Variants in LEP observed in about 807,000 individuals in gnomAD.
LEP encodes the protein leptin.
Under a neutral mutation model 9.8 loss-of-function variants are expected in LEP, and 6 were observed. The observed-to-expected ratio is 0.61, with a 90% CI of 0.34 to 1.21. LEP has a LOEUF of 1.21. Among genes scored for constraint, LEP ranks in the 50% most tolerant of loss-of-function variants. LEP has a pLI of 0.04. For missense variants in LEP, 134 were observed against 198.1 expected (o/e 0.68, Z 1.94); for synonymous variants, 112 against 81.7 (o/e 1.37, Z -2.00).
chr7:128,253,388 G>A (rs1381147962), intron 2 of LEP, among the ~76,000 whole-genome samples: 1 of 152,144 alleles, frequency 6.6e-6, no homozygotes, highest in Non-Finnish European at 1.5e-5. Context: ...TCCTGATGAG[G>A]TCTGTATTTG....
chr7:128,254,471 C>T lies in LEP; in HGVS notation c.212C>T (p.Thr71Ile). The T allele has an allele frequency of 6.2e-7, 1 of 1,614,042 alleles. No homozygotes were observed. The highest frequency in any genetic ancestry group is 1.3e-5 in the African/African-American group (1 of 75,070). The change falls in exon 3 of 3, where the codon ACC (threonine) becomes ATC (isoleucine). Residue 71 changes from threonine to isoleucine, a missense_variant. Physicochemically the swap from Thr to Ile is moderately conservative, Grantham distance 89. Coordinates refer to ENST00000308868, the MANE Select transcript of LEP (RefSeq NM_000230.3). ...DFIPGLHPIL[T>I]LSKMDQTLAV... ...ATTCCTGGGCTCCACCCCATCCTGA[C>T]CTTATCCAAGATGGACCAGACACTG...
chr7:128,246,942 G>C (rs981078475), intron 1 of LEP, among the ~76,000 whole-genome samples: 3 of 152,150 alleles, frequency 2.0e-5, no homozygotes, highest in Admixed American at 6.5e-5. Context: ...CCATGAGGGA[G>C]ACAGCAGAGT....
rs1795282687 is a variant in LEP, at chr7:128,252,159, C to T, written c.141C>T (p.His47=). Residue 47 remains histidine, a synonymous_variant, in exon 2 of 3, where the codon CAC becomes CAT. Transcript: ENST00000308868. ...TIVTRINDIS[H]TQSVSSKQKV... is the part of the protein sequence containing the mutation. Reference sequence around the variant, plus strand: ...TCACCAGGATCAATGACATTTCACACACGGTAAGGAGAGTATGCGGGGACA... The same window carrying T: ...TCACCAGGATCAATGACATTTCACATACGGTAAGGAGAGTATGCGGGGACA... 1 of 1,614,058 alleles carries T rather than the reference C, an allele frequency of 6.2e-7. No homozygotes were observed. Among genetic ancestry groups the T allele is most frequent in the Admixed American group, 1.7e-5 (1 of 60,010 alleles).
chr7:128,244,674 G>A (rs1795191133), intron 1 of LEP, among the ~76,000 whole-genome samples: 1 of 152,190 alleles, frequency 6.6e-6, no homozygotes, highest in Non-Finnish European at 1.5e-5. Flanking sequence ...CTAAGGACAG[G>A]GAGGGCCACC....
rs1441976707 is a variant in LEP at position 128,256,569 on chromosome 7, G to A, written c.*1806G>A. On this transcript the variant is annotated 3_prime_UTR_variant, in exon 3 of 3. Coordinates refer to ENST00000308868, the MANE Select transcript of LEP (RefSeq NM_000230.3). ...GAACAGCCAAATGCATGGTGCAGTT[G>A]ACAGCAGGTGGGAAATGGTATGAGC... 6.6e-6 allele frequency: 1 copy of A among 152,368 alleles called. No homozygotes were observed. Among genetic ancestry groups the A allele is most frequent in the Non-Finnish European group, 1.5e-5 (1 of 68,076 alleles). 9.4% of individuals were successfully genotyped at this position (152,368 alleles called of 1,614,324 possible). A position where few individuals can be genotyped will look rare whatever the true frequency, so the allele number is the denominator to read the frequency against.
chr7:128,251,204 C>T (rs779141834), intron 1 of LEP, among the ~76,000 whole-genome samples: 1 of 152,204 alleles, frequency 6.6e-6, no homozygotes, highest in Non-Finnish European at 1.5e-5. Flanking sequence ...CTCTTTCCTC[C>T]TGGCTTAGAA....
chr7:128,248,173 G>A (rs1438257697), intron 1 of LEP, among the ~76,000 whole-genome samples: 1 of 152,164 alleles, frequency 6.6e-6, no homozygotes, highest in Non-Finnish European at 1.5e-5. Flanking sequence ...ACTCACACCT[G>A]TAATCCCAGC....
chr7:128,246,590 A>G (rs1261958746), intron 1 of LEP, among the ~76,000 whole-genome samples: 1 of 151,638 alleles, frequency 6.6e-6, no homozygotes, highest in Non-Finnish European at 1.5e-5. Flanking sequence ...AGTAGCTGGG[A>G]CCACAAGCGT....
At chr7:128,251,696 G>T (rs1310325183) in intron 1 of LEP, among the ~76,000 whole-genome samples, 1 of 152,194 alleles carries the variant, frequency 6.6e-6, no homozygotes, top group African/African-American at 2.4e-5. Flanking sequence ...AGCATGCAAT[G>T]AAGTCTACAT....
intron 1 of LEP, among the ~76,000 whole-genome samples, chr7:128,247,065 G>A (rs562823740): frequency 6.6e-6 from 1 of 152,212 alleles, no homozygotes; most frequent in Non-Finnish European, 1.5e-5. Context: ...GAATGATGCT[G>A]TATCAACATT....
chr7:128,244,086 T>A (rs1478984319), intron 1 of LEP, among the ~76,000 whole-genome samples: 1 of 148,390 alleles, frequency 6.7e-6, no homozygotes, highest in African/African-American at 2.5e-5. Flanking sequence ...CCATCTCTAT[T>A]AAAAAAAAAA....
chr7:128,246,876 G>A (rs992954952), intron 1 of LEP, among the ~76,000 whole-genome samples: 1 of 152,134 alleles, frequency 6.6e-6, no homozygotes, highest in African/African-American at 2.4e-5. Context: ...CTTGATTAAA[G>A]GAGAAGGAAG....
Position 128,255,212 on chromosome 7 carries a change from C to T in LEP, c.*449C>T, listed in dbSNP as rs200166765. On this transcript the variant is annotated 3_prime_UTR_variant, in exon 3 of 3. Transcript: ENST00000308868. ...GTTCCATGAAGACCACATCCACACA[C>T]GCAGGAACTCCCAGCAACACAAGCT... The T allele has an allele frequency of 3.3e-5, 6 of 179,482 alleles. No homozygotes were observed. The highest frequency in any genetic ancestry group is 1.3e-4 in the East Asian group (1 of 7,500). The allele number at this position is 179,482 out of a possible 1,614,324, so 11.1% of individuals were successfully genotyped here.
chr7:128,250,269 G>A (rs1228909538), intron 1 of LEP, among the ~76,000 whole-genome samples: 2 of 152,178 alleles, frequency 1.3e-5, no homozygotes, highest in African/African-American at 2.4e-5. Context: ...GCTAATAGAG[G>A]AAGTTTTACT....
intron 1 of LEP, among the ~76,000 whole-genome samples, chr7:128,250,493 C>T (rs959324297): frequency 3.9e-5 from 6 of 151,904 alleles, no homozygotes; most frequent in Admixed American, 2.0e-4. Flanking sequence ...GTGGGTGGCT[C>T]GCACTCCTGC....
chr7:128,254,997 C>G lies in LEP; in HGVS notation c.*234C>G, dbSNP rs1795320762. 5 of 547,098 alleles carry G rather than the reference C, an allele frequency of 9.1e-6. No homozygotes were observed. The highest frequency in any genetic ancestry group is 1.6e-5 in the Non-Finnish European group (5 of 303,122). 33.9% of individuals were successfully genotyped at this position (547,098 alleles called of 1,614,324 possible). On this transcript the variant is annotated 3_prime_UTR_variant, in exon 3 of 3. Transcript: ENST00000308868. Reference sequence around the variant, plus strand: ...CTCACCAGGAAGGGGGTCCACCCAGCAAAGAGTGGGCTGCATCTGGGATTC... The same window carrying G: ...CTCACCAGGAAGGGGGTCCACCCAGGAAAGAGTGGGCTGCATCTGGGATTC...
At chr7:128,252,760 T>C (rs1306814239) in intron 2 of LEP, among the ~76,000 whole-genome samples, 1 of 150,870 alleles carries the variant, frequency 6.6e-6, no homozygotes, top group Non-Finnish European at 1.5e-5. Flanking sequence ...ATAAAAGTCA[T>C]AGGATTTGAT....
At chr7:128,245,316 C>T (rs916756608) in intron 1 of LEP, among the ~76,000 whole-genome samples, 6 of 152,210 alleles carry the variant, frequency 3.9e-5, no homozygotes, top group African/African-American at 1.4e-4. Flanking sequence ...GCTCTCCTCC[C>T]ATCCCCGGAG....
chr7:128,248,640 A>G (rs1230285323), intron 1 of LEP, among the ~76,000 whole-genome samples: 1 of 152,218 alleles, frequency 6.6e-6, no homozygotes, highest in East Asian at 1.9e-4. Context: ...CTTGCAATGA[A>G]GTTAAATATG....
Sources: gnomAD v4.1 joint callset for allele counts (sites outside exome capture counted in the v4.1 genomes callset) on GRCh38, gnomAD v4.1.1 for gene constraint, MANE v1.5 for transcripts, NCBI Gene and HGNC (gene_info 2026-07-23, HGNC 2026-07-21) for gene names.